The following ZNF121 variants were observed in gnomAD, a reference collection of about 807,000 sequenced individuals.
ZNF121 encodes zinc finger protein 121.
In ZNF121, 1 loss-of-function variant was observed where a neutral mutation model predicts 2.4. The observed-to-expected ratio is 0.41, with a 90% CI of 0.15 to 1.94. The LOEUF (loss-of-function observed/expected upper bound fraction) is 1.94. Ranked by LOEUF, ZNF121 falls within the 30% of genes most tolerant of loss-of-function variation. ZNF121 has a pLI of 0.30. For missense variants in ZNF121, 369 were observed against 466.3 expected (o/e 0.79, Z 1.92); for synonymous variants, 173 against 158.6 (o/e 1.09, Z -0.68).
In ZNF121 at chr19:9,583,057, C is replaced by CAAAAAAA. The variant is rs1326380773; in HGVS notation, c.-160+1397_-160+1403dup. On this transcript the variant is annotated intron_variant, in intron 1 of 3. Coordinates refer to ENST00000320451, the MANE Select transcript of ZNF121 (RefSeq NM_001008727.5). Reference sequence around the variant, plus strand: ...TGAAACCCTGTCTCCACTAAAAATACAAAAAAAAAAAATTAGCTGGGCATG... The same window carrying CAAAAAAA: ...TGAAACCCTGTCTCCACTAAAAATACAAAAAAAAAAAAAAAAAAATTAGCTGGGCATG... Among the ~76,000 whole-genome samples the CAAAAAAA allele has an allele frequency of 4.1e-3, 503 of 122,126 alleles. 17 individuals are homozygous for CAAAAAAA. The highest frequency in any genetic ancestry group is 0.015 in the East Asian group (55 of 3,758). 80.1% of individuals were successfully genotyped at this position (122,126 alleles called of 152,430 possible). A position where few individuals can be genotyped will look rare whatever the true frequency, so the allele number is the denominator to read the frequency against.
intron 3 of ZNF121, chr19:9,567,581 A>G (rs1599735181): frequency 4.0e-6 from 1 of 248,298 alleles, no homozygotes; most frequent in Non-Finnish European, 8.6e-6. Flanking sequence ...ACAACATTAC[A>G]TTTACTGTGA....
intron 1 of ZNF121, 23 bp from the exon 2 acceptor site, chr19:9,569,105 C>G (rs2074155329): frequency 6.5e-6 from 1 of 153,124 alleles, no homozygotes; most frequent in Admixed American, 6.6e-5. Flanking sequence ...AAAGATACAT[C>G]AATGGAAGAG....
chr19:9,570,101 G>A (rs2074163326), intron 1 of ZNF121, among the ~76,000 whole-genome samples: 1 of 151,928 alleles, frequency 6.6e-6, no homozygotes, highest in African/African-American at 2.4e-5. Context: ...AACCACTCAG[G>A]AGGCTGAGGC....
chr19:9,582,168 G>A (rs1246181770), intron 1 of ZNF121, among the ~76,000 whole-genome samples: 1 of 152,186 alleles, frequency 6.6e-6, no homozygotes, highest in South Asian at 2.1e-4. Flanking sequence ...AATTAGCTGG[G>A]CATGGCGGCA....
Position 9,566,465 on chromosome 19 carries a change from A to G in ZNF121, c.648T>C (p.Thr216=), listed in dbSNP as rs766906883. ...CTCCAGTGTGTATTCGTACATGTTT[A>G]GTAAGGCCTGAGCGCCCAGCGAAGG... ...GRAFAGRSGL[T]KHVRIHTGEK... The change falls in exon 4 of 4, where the codon ACT becomes ACC. Residue 216 remains threonine (T), a synonymous_variant. Transcript: ENST00000320451. 13 of 1,613,856 alleles carry G rather than the reference A, an allele frequency of 8.1e-6. No homozygotes were observed. In the Admixed American group the frequency reaches 2.2e-4, roughly 27 times the overall value.
At chr19:9,577,968 A>G (rs776653688) in intron 1 of ZNF121, among the ~76,000 whole-genome samples, 11 of 151,918 alleles carry the variant, frequency 7.2e-5, no homozygotes, top group Non-Finnish European at 1.6e-4. Flanking sequence ...CAAGGTGGGC[A>G]GACCACGAGG....
At chr19:9,568,356 G>A (rs1442340853) in intron 2 of ZNF121, among the ~76,000 whole-genome samples, 181 bp from the exon 3 acceptor site, 2 of 151,282 alleles carry the variant, frequency 1.3e-5, no homozygotes, top group Non-Finnish European at 2.9e-5. Flanking sequence ...AAGGACTTGG[G>A]GTCTAAACTT....
intron 1 of ZNF121, among the ~76,000 whole-genome samples, chr19:9,576,183 A>G (rs1052996750): frequency 6.6e-6 from 1 of 152,202 alleles, no homozygotes; most frequent in Non-Finnish European, 1.5e-5. Flanking sequence ...AAAACTAGAA[A>G]TCACTAACAA....
intron 1 of ZNF121, among the ~76,000 whole-genome samples, chr19:9,571,774 G>C (rs2074175935): frequency 6.6e-6 from 1 of 152,048 alleles, no homozygotes; most frequent in East Asian, 1.9e-4. Context: ...TTAGAGACAG[G>C]GTCTTACTCT....
chr19:9,582,913 T>TAGTATCA (rs2074257817), intron 1 of ZNF121, among the ~76,000 whole-genome samples: 1 of 33,172 alleles, frequency 3.0e-5, no homozygotes, highest in Non-Finnish European at 4.8e-5. Flanking sequence ...AATAATATTC[T>TAGTATCA]GATTATAAAG....
At chr19:9,575,728 G>A (rs1389582736) in intron 1 of ZNF121, among the ~76,000 whole-genome samples, 4 of 151,952 alleles carry the variant, frequency 2.6e-5, no homozygotes, top group Non-Finnish European at 5.9e-5. Context: ...GGGCAACAGA[G>A]CAAGACTCTG....
chr19:9,577,320 T>A (rs578119218), intron 1 of ZNF121, among the ~76,000 whole-genome samples: 1 of 151,840 alleles, frequency 6.6e-6, no homozygotes, highest in Non-Finnish European at 1.5e-5. Flanking sequence ...TGGAGGCATG[T>A]GCGCCTGTAG....
chr19:9,569,620 C>T (rs947744035), intron 1 of ZNF121, among the ~76,000 whole-genome samples: 9 of 151,584 alleles, frequency 5.9e-5, no homozygotes, highest in African/African-American at 2.2e-4. Flanking sequence ...CAACCTCCAC[C>T]TCCCAGGTTC....
chr19:9,583,594 C>T (rs1465165580), intron 1 of ZNF121, among the ~76,000 whole-genome samples: 2 of 151,118 alleles, frequency 1.3e-5, no homozygotes, highest in South Asian at 2.1e-4. Flanking sequence ...AGCTCCGCCT[C>T]CCGGGTTCAC....
Position 9,583,489 on chromosome 19 carries a change from C to CTTT in ZNF121, c.-160+969_-160+971dup, listed in dbSNP as rs1185311747. On this transcript the variant is annotated intron_variant, in intron 1 of 3. Coordinates refer to ENST00000320451, the MANE Select transcript of ZNF121 (RefSeq NM_001008727.5). ...TACAGGGGACTGCCACCAAGCCTGG[C>CTTT]TTTTTTTTTTTTTTTTTTTTTTTTG... Among the ~76,000 whole-genome samples the CTTT allele has an allele frequency of 6.4e-3, 359 of 56,412 alleles. 8 individuals are homozygous for CTTT. Among genetic ancestry groups the CTTT allele is most frequent in the Middle Eastern group, 0.023 (1 of 44 alleles). The allele number at this position is 56,412 out of a possible 152,430, so 37.0% of individuals were successfully genotyped here. A position where few individuals can be genotyped will look rare whatever the true frequency, so the allele number is the denominator to read the frequency against.
rs1385287505 is a variant in ZNF121 at position 9,566,657 on chromosome 19, G to T, written c.456C>A (p.Phe152Leu). The T allele has an allele frequency of 1.2e-6, 2 of 1,614,030 alleles. No homozygotes were observed. Among genetic ancestry groups the T allele is most frequent in the Non-Finnish European group, 1.7e-6 (2 of 1,180,010 alleles). Residue 152 changes from phenylalanine (F) to leucine (L), a missense_variant, in exon 4 of 4, where the codon TTC becomes TTA. Phe to Leu is a conservative substitution (Grantham distance 22, BLOSUM62 0). Around this residue, in one of 4 missense-constraint regions of ZNF121, gnomAD observed 68 missense variants for 105.5 expected, o/e 0.64. Transcript: ENST00000320451. ...TATTAAGATATGAAGAATATCTAAAGAATTTTCCACATTCCTTACATTCGT... is the reference window on the plus strand; with the variant it reads ...TATTAAGATATGAAGAATATCTAAATAATTTTCCACATTCCTTACATTCGT... ...KPYECKECGK[F>L]FRYSSYLNSH...
chr19:9,561,005 AG>A lies in ZNF121; in HGVS notation c.*4934del, dbSNP rs1232736240. 2 of 152,234 alleles carry A rather than the reference AG, an allele frequency of 1.3e-5. No homozygotes were observed. Among genetic ancestry groups the A allele is most frequent in the Admixed American group, 6.5e-5 (1 of 15,284 alleles). The allele number at this position is 152,234 out of a possible 1,614,324, so 9.4% of individuals were successfully genotyped here. ...TAGCTTATATTTTAATCTAGGATTG[AG>A]CACGTGCTATTTTTGCAAGTGATGA... On this transcript the variant is annotated 3_prime_UTR_variant, in exon 4 of 4. Coordinates refer to ENST00000320451, the MANE Select transcript of ZNF121 (RefSeq NM_001008727.5).
chr19:9,582,103 C>T (rs764475461), intron 1 of ZNF121, among the ~76,000 whole-genome samples: 1 of 152,078 alleles, frequency 6.6e-6, no homozygotes, highest in Non-Finnish European at 1.5e-5. Context: ...CTCAGGATTT[C>T]GAGACCAGCC....
In ZNF121 at chr19:9,565,353, CAAAAAAAAAAAAAAAAAAA is replaced by C. The variant is rs71185609; in HGVS notation, c.*568_*586del. ...AAGAATGTGTATTAACAACGACTTA[CAAAAAAAAAAAAAAAAAAA>C]AAAAAAAAAAAAAAAGGCCAGGAGC... On this transcript the variant is annotated 3_prime_UTR_variant, in exon 4 of 4. Transcript: ENST00000320451. 1.6e-3 allele frequency: 47 copies of C among 29,870 alleles called. No homozygotes were observed. The highest frequency in any genetic ancestry group is 2.9e-3 in the African/African-American group (31 of 10,550). 1.9% of individuals were successfully genotyped at this position (29,870 alleles called of 1,614,324 possible).
Sources: gnomAD v4.1 joint callset for allele counts (sites outside exome capture counted in the v4.1 genomes callset) on GRCh38, gnomAD v4.1.1 for gene constraint, gnomAD v4.1.1 regional missense constraint, MANE v1.5 for transcripts, NCBI Gene and HGNC (gene_info 2026-07-23, HGNC 2026-07-21) for gene names.